The following RNPEPL1 variants were observed in gnomAD, a reference collection of about 807,000 sequenced individuals.
The protein encoded by RNPEPL1 is aminopeptidase RNPEPL1.
A neutral mutation model predicts 69.0 loss-of-function variants in RNPEPL1; 46 were observed. The ratio of observed to expected loss-of-function variants is 0.67; its 90% CI spans 0.53 to 0.85. The LOEUF is 0.85. RNPEPL1 is among the 40% of genes least tolerant of loss of function. The pLI is 0.00. For missense variants in RNPEPL1, 869 were observed against 992.5 expected, an observed-to-expected ratio of 0.88 and a Z score of 1.67; for synonymous variants, 525 against 454.1, an observed-to-expected ratio of 1.16 and a Z score of -1.98.
Position 240,581,274 on chromosome 2 carries a change from C to T in RNPEPL1, c.*3382C>T, listed in dbSNP as rs1323041103. The T allele has an allele frequency of 2.6e-5, 4 of 152,120 alleles. No individual in the cohort carries two copies. The highest frequency in any genetic ancestry group is 9.7e-5 in the African/African-American group (4 of 41,402). The allele number at this position is 152,120 out of a possible 1,614,324, so 9.4% of individuals were successfully genotyped here. On this transcript the variant is annotated 3_prime_UTR_variant, in exon 11 of 11. Transcript: ENST00000270357. ...AAATAAACCATAACATATGAAGAGG[C>T]ACTTATGAAACAAGAACAGGTAGTT...
intron 1 of RNPEPL1, among the ~76,000 whole-genome samples, chr2:240,571,392 TG>T: frequency 6.6e-6 from 1 of 152,328 alleles, no homozygotes; most frequent in East Asian, 1.9e-4. Context: ...GGAGGGCCTC[TG>T]CACGAAGAGC....
intron 3 of RNPEPL1, 57 bp downstream of exon 3, chr2:240,573,318 C>G: frequency 6.7e-7 from 1 of 1,502,036 alleles, no homozygotes; most frequent in East Asian, 2.5e-5. Flanking sequence ...AGAGCCCCAC[C>G]GGGGGTCTGT....
chr2:240,577,035 T>C, intron 10 of RNPEPL1, 45 bp downstream of exon 10: 1 of 1,607,482 alleles, frequency 6.2e-7, no homozygotes, highest in Non-Finnish European at 8.5e-7. Flanking sequence ...GGCCTAGCCG[T>C]GCGGACTGGG....
chr2:240,577,918 C>G lies in RNPEPL1; in HGVS notation c.*26C>G. 2.1e-6 allele frequency: 3 copies of G among 1,459,198 alleles called. No homozygotes were observed. Among genetic ancestry groups the G allele is most frequent in the Non-Finnish European group, 2.7e-6 (3 of 1,097,362 alleles). 90.4% of individuals were successfully genotyped at this position (1,459,198 alleles called of 1,614,324 possible). ...CCCTGTTGGCGGGCTGACCCTCGAC[C>G]TCCCAGACACCACAATTGTGCCTTC... On this transcript the variant is annotated 3_prime_UTR_variant, in exon 11 of 11. Transcript: ENST00000270357.
chr2:240,568,553 C>T lies in RNPEPL1; in HGVS notation c.-34C>T, dbSNP rs2093010861. 1 of 958,832 alleles carries T rather than the reference C, an allele frequency of 1.0e-6. No homozygotes were observed. The highest frequency in any genetic ancestry group is 1.2e-6 in the Non-Finnish European group (1 of 809,320). The allele number at this position is 958,832 out of a possible 1,614,324, so 59.4% of individuals were successfully genotyped here. ...CCCCTCGCCCGCGGCCCGGCGCGGC[C>T]GCCGCCCATGGATTTCACCTAGTGC... On this transcript the variant is annotated 5_prime_UTR_variant, in exon 1 of 11. Coordinates refer to ENST00000270357, the MANE Select transcript of RNPEPL1 (RefSeq NM_018226.6). The surrounding 1 kb of genome is among the most constrained non-coding windows in gnomAD (Gnocchi z 6.2).
intron 3 of RNPEPL1, 123 bp downstream of exon 3, chr2:240,573,384 G>A (rs2093028086): frequency 2.7e-6 from 3 of 1,125,752 alleles, no homozygotes; most frequent in Non-Finnish European, 1.2e-6. Flanking sequence ...GGGTGCTCTG[G>A]GCCAGCCCTG....
At chr2:240,572,393 C>T (rs2093024243) in intron 1 of RNPEPL1, 30 bp from the exon 2 acceptor site, 1 of 1,533,892 alleles carries the variant, frequency 6.5e-7, no homozygotes, top group Non-Finnish European at 8.7e-7. Flanking sequence ...AGCTGGGTGG[C>T]CGTCTGCTGA....
At chr2:240,573,670 G>A (rs1194474238) in intron 3 of RNPEPL1, 105 bp from the exon 4 acceptor site, 2 of 974,040 alleles carry the variant, frequency 2.1e-6, no homozygotes, top group Non-Finnish European at 3.0e-6. Context: ...AGCCAGGCTG[G>A]GTGAGGTGTG....
chr2:240,572,274 G>C (rs2125448797), intron 1 of RNPEPL1, 149 bp from the exon 2 acceptor site: 1 of 883,832 alleles, frequency 1.1e-6, no homozygotes, highest in South Asian at 1.7e-5. Context: ...TGAAGGCTAA[G>C]GGGTGGCTAT....
Position 240,573,752 on chromosome 2 carries a change from C to T in RNPEPL1, c.822-23C>T, listed in dbSNP as rs558112523. On this transcript the variant is annotated intron_variant, in intron 3 of 10. Coordinates refer to ENST00000270357, the MANE Select transcript of RNPEPL1 (RefSeq NM_018226.6). ...CGGGGCTGGGGCTGCTCGGCCTCAG[C>T]TCACCCTCTCTGCATGCACCAGGAG... 22 of 1,508,780 alleles carry T rather than the reference C, an allele frequency of 1.5e-5. No homozygotes were observed. The African/African-American group carries it at 1.9e-4, about 13-fold the overall frequency. The allele number at this position is 1,508,780 out of a possible 1,614,324, so 93.5% of individuals were successfully genotyped here.
intron 4 of RNPEPL1, 34 bp from the exon 5 acceptor site, chr2:240,574,079 G>A (rs376844076): frequency 4.3e-5 from 69 of 1,587,628 alleles, no homozygotes; most frequent in South Asian, 1.7e-4. Flanking sequence ...TCTGAGCCCC[G>A]AGGTCTGCCA....
chr2:240,568,614 GCGCCCGGCGCCGAGGCCGCGCCCGTC>G lies in RNPEPL1; in HGVS notation c.35_60del (p.Gly12AlafsTer283). 1 of 991,016 alleles carries G rather than the reference GCGCCCGGCGCCGAGGCCGCGCCCGTC, an allele frequency of 1.0e-6. No individual in the cohort carries two copies. Among genetic ancestry groups the G allele is most frequent in the Non-Finnish European group, 1.2e-6 (1 of 837,080 alleles). 61.4% of individuals were successfully genotyped at this position (991,016 alleles called of 1,614,324 possible). A position where few individuals can be genotyped will look rare whatever the true frequency, so the allele number is the denominator to read the frequency against. On this transcript the variant is annotated frameshift_variant, in exon 1 of 11. Coordinates refer to ENST00000270357, the MANE Select transcript of RNPEPL1 (RefSeq NM_018226.6). LOFTEE classifies it high-confidence loss of function. This position sits in a 1 kb window ranked among gnomAD's most constrained non-coding sequence, Gnocchi z 6.2. ...GGCCGCGCAGTGCTGCTGCCGCCAG[GCGCCCGGCGCCGAGGCCGCGCCCGTC>G]CGCCCGCCGCCCGAGCCGCCGCCCG...
chr2:240,570,301 A>G (rs572963407), intron 1 of RNPEPL1, among the ~76,000 whole-genome samples: 6 of 152,292 alleles, frequency 3.9e-5, no homozygotes, highest in Non-Finnish European at 5.9e-5. Context: ...TTGGCTTCCT[A>G]TGGCCTACTG....
Position 240,577,669 on chromosome 2 carries a change from A to T in RNPEPL1, c.1955A>T (p.Glu652Val). 6.2e-7 allele frequency: 1 copy of T among 1,612,652 alleles called. No homozygotes were observed. Among genetic ancestry groups the T allele is most frequent in the Admixed American group, 1.7e-5 (1 of 59,968 alleles). The change falls in exon 11 of 11, where the codon GAG becomes GTG. Residue 652 changes from glutamate to valine, a missense_variant. By Grantham distance (121) the Glu-to-Val change is moderately radical (BLOSUM62 -2). Transcript: ENST00000270357. ...CTGALKSFAL[E>V]VFYQTQGRLH... ...GGTGCCCTCAAGTCCTTCGCGCTGG[A>T]GGTCTTCTACCAGACGCAGGGCCGG...
chr2:240,574,368 G>T lies in RNPEPL1; in HGVS notation c.1174+20G>T. On this transcript the variant is annotated intron_variant, in intron 5 of 10. Coordinates refer to ENST00000270357, the MANE Select transcript of RNPEPL1 (RefSeq NM_018226.6). ...CCTACGGTGCGGCCAGGGCCGGGGAGGGCAGCCACGGGGGGCCCTGGGCAC... is the reference window on the plus strand; with the variant it reads ...CCTACGGTGCGGCCAGGGCCGGGGATGGCAGCCACGGGGGGCCCTGGGCAC... 6.3e-7 allele frequency: 1 copy of T among 1,585,416 alleles called. No individual in the cohort carries two copies. Among genetic ancestry groups the T allele is most frequent in the Non-Finnish European group, 8.6e-7 (1 of 1,168,304 alleles).
chr2:240,576,775 T>C lies in RNPEPL1; in HGVS notation c.1741+10T>C. 1.9e-6 allele frequency: 3 copies of C among 1,612,578 alleles called. No homozygotes were observed. The highest frequency in any genetic ancestry group is 1.7e-6 in the Non-Finnish European group (2 of 1,179,706). ...TCCCCGCTGCCGCAGGGTGAGTCCC[T>C]GCAGCTGATGGGGGCGGCCCAGGGG... is the stretch of plus-strand genomic sequence containing the variant. On this transcript the variant is annotated intron_variant, in intron 9 of 10. Coordinates refer to ENST00000270357, the MANE Select transcript of RNPEPL1 (RefSeq NM_018226.6).
chr2:240,574,965 C>T (rs1003197415), intron 6 of RNPEPL1, 65 bp from the exon 7 acceptor site: 2 of 1,220,052 alleles, frequency 1.6e-6, no homozygotes, highest in Non-Finnish European at 1.2e-6. Context: ...TGACCACTGC[C>T]CCTCCCTATT....
intron 8 of RNPEPL1, chr2:240,576,293 G>A: frequency 1.7e-6 from 1 of 579,028 alleles, no homozygotes; most frequent in Non-Finnish European, 3.1e-6. Context: ...GCGTGGAGTG[G>A]GTGCGAGTCC....
intron 3 of RNPEPL1, among the ~76,000 whole-genome samples, chr2:240,573,482 C>T (rs1454592895): frequency 2.6e-5 from 4 of 152,230 alleles, no homozygotes; most frequent in Non-Finnish European, 4.4e-5. Flanking sequence ...GCCCTGCAAA[C>T]TGGTCCTTCC....
Sources: gnomAD v4.1 joint callset for allele counts (sites outside exome capture counted in the v4.1 genomes callset) on GRCh38, gnomAD v4.1.1 for gene constraint, Gnocchi (gnomAD v3.1) non-coding constraint, MANE v1.5 for transcripts, NCBI Gene and HGNC (gene_info 2026-07-23, HGNC 2026-07-21) for gene names.